RNF150: variants seen among roughly 807,000 people sequenced by gnomAD.
The protein encoded by RNF150 is ring finger protein 150.
A neutral mutation model predicts 39.3 loss-of-function variants in RNF150; 24 were observed. That is an observed-to-expected ratio of 0.61 (90% confidence interval 0.44 to 0.86). RNF150 has a LOEUF of 0.86. RNF150 is among the 40% of genes least tolerant of loss of function. The pLI, the probability that RNF150 is intolerant of heterozygous loss-of-function variation, is 0.00. For missense variants in RNF150, 502 were observed against 587.8 expected (o/e 0.85, Z 1.51); for synonymous variants, 255 against 227.3 (o/e 1.12, Z -1.10).
At chr4:140,918,050 A>C (rs1038781250) in intron 5 of RNF150, among the ~76,000 whole-genome samples, 7 of 151,934 alleles carry the variant, frequency 4.6e-5, no homozygotes, top group African/African-American at 1.7e-4. Flanking sequence ...CAGTGTGTAG[A>C]GGGAAATTTA....
chr4:141,041,019 T>C (rs936774275), intron 1 of RNF150, among the ~76,000 whole-genome samples: 1 of 152,130 alleles, frequency 6.6e-6, no homozygotes, highest in African/African-American at 2.4e-5. Flanking sequence ...CATTCACTTT[T>C]TGGTCACTGT....
At chr4:141,025,304 TTAAA>T (rs1470975585) in intron 1 of RNF150, among the ~76,000 whole-genome samples, 1 of 152,128 alleles carries the variant, frequency 6.6e-6, no homozygotes, top group African/African-American at 2.4e-5. Flanking sequence ...AGTTATTCAA[TTAAA>T]TAACCTCAAT....
At chr4:141,022,564 G>A (rs147445158) in intron 1 of RNF150, among the ~76,000 whole-genome samples, 2 of 152,256 alleles carry the variant, frequency 1.3e-5, no homozygotes, top group East Asian at 3.9e-4. Flanking sequence ...CAGTGACCAA[G>A]CAAGTTAAAA....
chr4:141,095,500 T>G (rs1271692407), intron 1 of RNF150, among the ~76,000 whole-genome samples: 1 of 152,176 alleles, frequency 6.6e-6, no homozygotes, highest in Non-Finnish European at 1.5e-5. Context: ...GTTCATGCAA[T>G]GAATATCCTA....
intron 1 of RNF150, among the ~76,000 whole-genome samples, chr4:141,158,653 A>T (rs1324403075): frequency 6.6e-6 from 1 of 152,184 alleles, no homozygotes; most frequent in Non-Finnish European, 1.5e-5. Flanking sequence ...ATTTCTGCTC[A>T]TTTATCATTA....
rs993739461 is a variant in RNF150, at chr4:140,920,446, T to A, written c.987+5531A>T. Among the ~76,000 whole-genome samples, 5 of 134,760 alleles carry A rather than the reference T, an allele frequency of 3.7e-5. No homozygotes were observed. The Admixed American group carries it at 3.9e-4, about 11-fold the overall frequency. 88.4% of individuals were successfully genotyped at this position (134,760 alleles called of 152,430 possible). ...AAAACACATGAAAAAACGCTCACCA[T>A]CACTGGCCATCAGAGAAATGCAAAT... is the stretch of plus-strand genomic sequence containing the variant. On this transcript the variant is annotated intron_variant, in intron 5 of 6. Coordinates refer to ENST00000515673, the MANE Select transcript of RNF150 (RefSeq NM_020724.2).
chr4:141,020,383 T>C (rs1735447711), intron 1 of RNF150, among the ~76,000 whole-genome samples: 1 of 152,094 alleles, frequency 6.6e-6, no homozygotes, highest in Non-Finnish European at 1.5e-5. Context: ...GTAAAGGTGG[T>C]ATAACCTGCA....
Position 140,916,312 on chromosome 4 carries a change from A to C in RNF150, c.988-4958T>G, listed in dbSNP as rs375177523. 5.3e-4 allele frequency among the ~76,000 whole-genome samples: 81 copies of C among 152,324 alleles called. 2 individuals carry two copies. The South Asian group carries it at 0.015, about 27-fold the overall frequency. On this transcript the variant is annotated intron_variant, in intron 5 of 6. Transcript: ENST00000515673. ...AAAACTTTGAAAAAAATTTAGATGA[A>C]TGGATAACTAGAATAACCAATGCAG...
intron 6 of RNF150, among the ~76,000 whole-genome samples, chr4:140,899,181 T>C (rs1460333172): frequency 6.6e-6 from 1 of 152,174 alleles, no homozygotes; most frequent in Non-Finnish European, 1.5e-5. Context: ...AAACTGTCCA[T>C]AAATTTGGGA....
intron 1 of RNF150, among the ~76,000 whole-genome samples, chr4:141,130,341 T>G (rs949276047): frequency 6.6e-6 from 1 of 151,532 alleles, no homozygotes; most frequent in Non-Finnish European, 1.5e-5. Context: ...TAATATGGAG[T>G]TTCCTGGCCA....
intron 1 of RNF150, among the ~76,000 whole-genome samples, chr4:141,033,631 T>C (rs1398782926): frequency 3.3e-5 from 5 of 152,190 alleles, no homozygotes; most frequent in Admixed American, 3.3e-4. Context: ...ATGTATTTCT[T>C]AAATAAGAAG....
intron 1 of RNF150, among the ~76,000 whole-genome samples, chr4:141,144,302 A>G (rs1315337129): frequency 6.6e-6 from 1 of 152,250 alleles, no homozygotes; most frequent in African/African-American, 2.4e-5. Flanking sequence ...TTCCAAAAAT[A>G]TAATCCTTAT....
intron 1 of RNF150, among the ~76,000 whole-genome samples, chr4:141,172,655 G>C (rs113816912): frequency 2.1e-3 from 315 of 152,292 alleles, no homozygotes; most frequent in African/African-American, 7.1e-3. Context: ...CAGAGTTGGA[G>C]ATTTTTTCTC....
At chr4:141,120,448 C>T (rs564116021) in intron 1 of RNF150, among the ~76,000 whole-genome samples, 71 of 152,240 alleles carry the variant, frequency 4.7e-4, no homozygotes, top group South Asian at 1.7e-3. Context: ...GATTCTAAAA[C>T]GCTGCCAAAT....
chr4:141,043,772 G>C (rs748612081), intron 1 of RNF150, among the ~76,000 whole-genome samples: 5 of 152,054 alleles, frequency 3.3e-5, no homozygotes, highest in Non-Finnish European at 7.4e-5. Context: ...ATGGGAAAGA[G>C]TTAAAGAGGT....
intron 1 of RNF150, among the ~76,000 whole-genome samples, chr4:141,171,460 AAGAGAGAGAGAGAGAGAGAG>A (rs67118049): frequency 6.7e-6 from 1 of 148,820 alleles, no homozygotes; most frequent in South Asian, 2.2e-4. Flanking sequence ...GACAGACAGA[AAGAGAGAGAGAGAGAGAGAG>A]AGAGAGAGAG....
chr4:141,026,579 T>C (rs2110806241), intron 1 of RNF150, among the ~76,000 whole-genome samples: 1 of 152,292 alleles, frequency 6.6e-6, no homozygotes, highest in South Asian at 2.1e-4. Context: ...AATACTAGGA[T>C]GAACAAACTT....
chr4:140,967,542 G>A, intron 2 of RNF150, 81 bp downstream of exon 2: 1 of 1,335,380 alleles, frequency 7.5e-7, no homozygotes, highest in African/African-American at 1.5e-5. Flanking sequence ...GTTTTGGCTT[G>A]GTATTTTCTG....
chr4:140,925,019 A>T (rs1731334062), intron 5 of RNF150, among the ~76,000 whole-genome samples: 1 of 152,200 alleles, frequency 6.6e-6, no homozygotes, highest in South Asian at 2.1e-4. Context: ...TTCTTCAGTG[A>T]CATCTTGGGA....
Sources: gnomAD v4.1 joint callset for allele counts (sites outside exome capture counted in the v4.1 genomes callset) on GRCh38, gnomAD v4.1.1 for gene constraint, MANE v1.5 for transcripts, NCBI Gene and HGNC (gene_info 2026-07-23, HGNC 2026-07-21) for gene names.